GRID1: variants seen among roughly 807,000 people sequenced by gnomAD.
GRID1 encodes the protein glutamate receptor ionotropic, delta-1.
GRID1 carries 28 observed loss-of-function variants against 98.0 expected under a neutral mutation model. The ratio of observed to expected loss-of-function variants is 0.29; its 90% CI spans 0.21 to 0.39. GRID1 has a LOEUF of 0.39. GRID1 is among the 10% of genes least tolerant of loss of function. The probability of loss-of-function intolerance (pLI) is 1.00; values close to 1 mark genes in which losing one functional copy is unlikely to be tolerated. For synonymous variants in GRID1, 553 were observed against 538.5 expected, an observed-to-expected ratio of 1.03 and a Z score of -0.37; for missense variants, 1,111 against 1,340.5, an observed-to-expected ratio of 0.83 and a Z score of 2.67.
chr10:85,817,040 T>A (rs923736407), intron 8 of GRID1, among the ~76,000 whole-genome samples: 16 of 152,310 alleles, frequency 1.1e-4, no homozygotes, highest in Admixed American at 7.2e-4. Flanking sequence ...ATCTCATTAT[T>A]TTTTATGGCT....
intron 4 of GRID1, among the ~76,000 whole-genome samples, chr10:85,989,941 G>A (rs1174864495): frequency 1.3e-5 from 2 of 152,132 alleles, no homozygotes; most frequent in East Asian, 3.8e-4. Flanking sequence ...GAAGCCCCAG[G>A]TTGCTCCCTT....
chr10:85,722,057 T>C (rs1207018981), intron 12 of GRID1, among the ~76,000 whole-genome samples: 1 of 152,174 alleles, frequency 6.6e-6, no homozygotes, highest in Non-Finnish European at 1.5e-5. Flanking sequence ...AAAATGTCAA[T>C]TTAATAAAGA....
chr10:85,743,257 C>A (rs1841965003), intron 8 of GRID1, among the ~76,000 whole-genome samples: 3 of 152,062 alleles, frequency 2.0e-5, no homozygotes, highest in Non-Finnish European at 4.4e-5. Context: ...TCACCTCTGC[C>A]AAAGCACTAG....
intron 3 of GRID1, among the ~76,000 whole-genome samples, chr10:86,198,963 A>G (rs1845912244): frequency 6.6e-6 from 1 of 152,170 alleles, no homozygotes; most frequent in South Asian, 2.1e-4. Flanking sequence ...CTATAGATGA[A>G]GAGGCTGAAG....
intron 12 of GRID1, among the ~76,000 whole-genome samples, chr10:85,649,461 T>C (rs1843237795): frequency 1.3e-5 from 2 of 152,160 alleles, no homozygotes. Flanking sequence ...TCTGCCGTAA[T>C]TTGCCTGTAA....
At chr10:86,033,998 C>A (rs1843221717) in intron 4 of GRID1, among the ~76,000 whole-genome samples, 5 of 152,338 alleles carry the variant, frequency 3.3e-5, no homozygotes, top group African/African-American at 1.2e-4. Context: ...TGAAAAAAGT[C>A]TTCAGGGGAC....
intron 2 of GRID1, among the ~76,000 whole-genome samples, chr10:86,362,941 G>A (rs1321312938): frequency 2.0e-5 from 3 of 152,374 alleles, no homozygotes; most frequent in African/African-American, 7.2e-5. Context: ...TGCATCCTGC[G>A]CCACTAACTT....
intron 12 of GRID1, among the ~76,000 whole-genome samples, chr10:85,701,197 T>C (rs1841446962): frequency 6.6e-6 from 1 of 152,120 alleles, no homozygotes; most frequent in African/African-American, 2.4e-5. Flanking sequence ...ACTTTGAAAA[T>C]GCATCATCTC....
chr10:86,069,897 G>A (rs1337041408), intron 4 of GRID1, among the ~76,000 whole-genome samples: 1 of 152,138 alleles, frequency 6.6e-6, no homozygotes, highest in African/African-American at 2.4e-5. Context: ...CAAGTGAGTG[G>A]TGCATGGGTG....
chr10:85,892,606 G>C (rs2131810257), intron 5 of GRID1, among the ~76,000 whole-genome samples: 1 of 150,948 alleles, frequency 6.6e-6, no homozygotes, highest in East Asian at 1.9e-4. Flanking sequence ...CTAAAGCAAA[G>C]ACGTTTTTAG....
At position 85,867,984 on chromosome 10, in the gene GRID1, T is replaced by G. The variant is rs571686774; in HGVS notation, c.951+1026A>C. Among the ~76,000 whole-genome samples, 60 of 152,228 alleles carry G rather than the reference T, an allele frequency of 3.9e-4. 1 individual carries two copies. The highest frequency in any genetic ancestry group is 6.6e-4 in the Non-Finnish European group (45 of 68,000). On this transcript the variant is annotated intron_variant, in intron 6 of 15. Coordinates refer to ENST00000327946, the MANE Select transcript of GRID1 (RefSeq NM_017551.3). ...ACACCCTACTCAAGATTCCACAAAT[T>G]CCCTTCCACAAAATGTGCAGCCCCT...
intron 8 of GRID1, among the ~76,000 whole-genome samples, chr10:85,788,222 T>C (rs1250901804): frequency 6.6e-6 from 1 of 152,184 alleles, no homozygotes; most frequent in East Asian, 1.9e-4. Context: ...CCTTTCATGG[T>C]TTGCTCTTTC....
intron 2 of GRID1, among the ~76,000 whole-genome samples, chr10:86,222,293 C>G (rs989705537): frequency 6.6e-6 from 1 of 152,192 alleles, no homozygotes; most frequent in Non-Finnish European, 1.5e-5. Context: ...CACACTCTGC[C>G]CACCCCAAGC....
chr10:85,755,425 GC>G (rs1482399437), intron 8 of GRID1, among the ~76,000 whole-genome samples: 4 of 152,158 alleles, frequency 2.6e-5, no homozygotes, highest in Non-Finnish European at 5.9e-5. Flanking sequence ...GTTCAGGATG[GC>G]GTCCAAGGGA....
At chr10:86,131,702 T>A (rs1844841118) in intron 4 of GRID1, among the ~76,000 whole-genome samples, 1 of 152,224 alleles carries the variant, frequency 6.6e-6, no homozygotes. Flanking sequence ...TTTTCCCTGA[T>A]GATTGCTTAG....
At chr10:85,656,674 T>G (rs1012312849) in intron 12 of GRID1, among the ~76,000 whole-genome samples, 1 of 152,222 alleles carries the variant, frequency 6.6e-6, no homozygotes, top group African/African-American at 2.4e-5. Context: ...CCAAGAGCCT[T>G]GAAATCACTA....
intron 2 of GRID1, among the ~76,000 whole-genome samples, chr10:86,339,101 C>T (rs894904135): frequency 1.3e-5 from 2 of 152,180 alleles, no homozygotes; most frequent in African/African-American, 4.8e-5. Flanking sequence ...ACCATGTCCA[C>T]CCTGAACCCC....
intron 8 of GRID1, among the ~76,000 whole-genome samples, chr10:85,817,574 C>T (rs1167296428): frequency 2.6e-5 from 4 of 151,190 alleles, no homozygotes; most frequent in Non-Finnish European, 5.9e-5. Context: ...CAAAAGATTC[C>T]AGGATGGAAA....
At chr10:86,268,209 G>A (rs902946152) in intron 2 of GRID1, among the ~76,000 whole-genome samples, 1 of 152,186 alleles carries the variant, frequency 6.6e-6, no homozygotes, top group Non-Finnish European at 1.5e-5. Flanking sequence ...TACCCGGTAT[G>A]CTCCCCAACT....
Sources: gnomAD v4.1 joint callset for allele counts (sites outside exome capture counted in the v4.1 genomes callset) on GRCh38, gnomAD v4.1.1 for gene constraint, MANE v1.5 for transcripts, NCBI Gene and HGNC (gene_info 2026-07-23, HGNC 2026-07-21) for gene names.